CDCA2: variants seen among roughly 807,000 people sequenced by gnomAD.
CDCA2 encodes the protein cell division cycle associated 2, also known as cell division cycle-associated protein 2.
In CDCA2, 44 loss-of-function variants were observed where a neutral mutation model predicts 67.0. The ratio of observed to expected loss-of-function variants is 0.66; its 90% CI spans 0.52 to 0.84. The LOEUF (loss-of-function observed/expected upper bound fraction) is 0.84, where lower values mean the gene tolerates loss of function less well. Among genes scored for constraint, CDCA2 ranks in the 40% least tolerant of loss-of-function variants. The probability of loss-of-function intolerance (pLI) is 0.00; values close to 1 mark genes in which losing one functional copy is unlikely to be tolerated. For missense variants in CDCA2, 1,253 were observed against 1,203.2 expected (o/e 1.04, Z -0.61); for synonymous variants, 447 against 418.7 (o/e 1.07, Z -0.82).
At chr8:25,485,714 C>T (rs1178142419) in intron 10 of CDCA2, 45 bp from the exon 11 acceptor site, 1 of 1,115,410 alleles carries the variant, frequency 9.0e-7, no homozygotes, top group Non-Finnish European at 1.3e-6. Context: ...ATTATGTATT[C>T]ACTGCATTTA....
chr8:25,493,577 ATTAC>A (rs534732249), intron 13 of CDCA2, among the ~76,000 whole-genome samples: 1,672 of 152,378 alleles, frequency 0.011, 14 homozygotes, highest in Non-Finnish European at 0.017. Context: ...GAGCTTCTAA[ATTAC>A]TTAGAAAGGA....
chr8:25,505,123 T>C (rs1804626746), intron 14 of CDCA2, among the ~76,000 whole-genome samples: 2 of 152,212 alleles, frequency 1.3e-5, no homozygotes, highest in Admixed American at 6.5e-5. Flanking sequence ...CTTTCTCTTT[T>C]TCCTTTCCTC....
At position 25,470,000 on chromosome 8, in the gene CDCA2, T is replaced by C. The variant is rs770965988; in HGVS notation, c.820+20T>C. The C allele has an allele frequency of 6.7e-7, 1 of 1,499,970 alleles. No individual in the cohort carries two copies. Among genetic ancestry groups the C allele is most frequent in the Admixed American group, 1.7e-5 (1 of 58,710 alleles). The allele number at this position is 1,499,970 out of a possible 1,614,324, so 92.9% of individuals were successfully genotyped here. A position where few individuals can be genotyped will look rare whatever the true frequency, so the allele number is the denominator to read the frequency against. ...CAAATGGTAAGTAATCTTTTCTTAG[T>C]ACATGGCCAGTTGCCCGATTCATAG... is the stretch of plus-strand genomic sequence containing the variant. On this transcript the variant is annotated intron_variant, in intron 7 of 14. Transcript: ENST00000330560.
chr8:25,469,540 TA>T (rs1265757804), intron 6 of CDCA2, among the ~76,000 whole-genome samples: 1 of 152,228 alleles, frequency 6.6e-6, no homozygotes, highest in African/African-American at 2.4e-5. Context: ...ATATAAACTT[TA>T]TTTTGAGAAT....
chr8:25,459,585 G>A (rs1214433678), intron 1 of CDCA2, 112 bp downstream of exon 1: 1 of 154,044 alleles, frequency 6.5e-6, no homozygotes, highest in Non-Finnish European at 1.4e-5. Context: ...GCTGCTCTGG[G>A]TGACCAGGAG....
chr8:25,491,211 C>T (rs1450938367), intron 13 of CDCA2, among the ~76,000 whole-genome samples: 2 of 151,962 alleles, frequency 1.3e-5, no homozygotes, highest in African/African-American at 4.8e-5. Context: ...CCATAGGACT[C>T]TTAGGAAAAA....
chr8:25,482,072 C>G lies in CDCA2; in HGVS notation c.1033-1327C>G, dbSNP rs542699950. 1.3e-3 allele frequency among the ~76,000 whole-genome samples: 198 copies of G among 152,316 alleles called. 1 individual carries two copies. The highest frequency in any genetic ancestry group is 4.6e-3 in the African/African-American group (193 of 41,568). ...GATTAAGAGGGAACTTTGATCCAGTCTGCAGCCCTGGCTGTCTCCTGCTGA... is the reference window on the plus strand; with the variant it reads ...GATTAAGAGGGAACTTTGATCCAGTGTGCAGCCCTGGCTGTCTCCTGCTGA... On this transcript the variant is annotated intron_variant, in intron 8 of 14. Transcript: ENST00000330560.
intron 10 of CDCA2, 137 bp downstream of exon 10, chr8:25,484,347 G>A (rs59015195): frequency 0.032 from 38,985 of 1,231,994 alleles, 845 homozygotes; most frequent in Admixed American, 0.071. Context: ...AATCTATTTT[G>A]TATGTAGGTT....
intron 14 of CDCA2, among the ~76,000 whole-genome samples, chr8:25,504,590 A>G (rs896231470): frequency 2.0e-5 from 3 of 152,134 alleles, no homozygotes; most frequent in Admixed American, 6.5e-5. Flanking sequence ...GGTACATGCC[A>G]CCATTGACTC....
At chr8:25,483,898 G>A (rs964752446) in intron 9 of CDCA2, 68 bp from the exon 10 acceptor site, 2 of 1,313,616 alleles carry the variant, frequency 1.5e-6, no homozygotes, top group Non-Finnish European at 2.1e-6. Context: ...AAAGATTCTA[G>A]TATATGCCTT....
chr8:25,480,571 A>C (rs1343438409), intron 8 of CDCA2, among the ~76,000 whole-genome samples: 4 of 152,212 alleles, frequency 2.6e-5, no homozygotes, highest in Admixed American at 2.6e-4. Flanking sequence ...AGTCAATATG[A>C]GGAAAGAGAA....
chr8:25,465,533 C>G (rs1438793422), intron 4 of CDCA2, among the ~76,000 whole-genome samples: 1 of 148,826 alleles, frequency 6.7e-6, no homozygotes, highest in East Asian at 1.9e-4. Flanking sequence ...GGTTGGAACC[C>G]TGTTAACGGG....
intron 13 of CDCA2, among the ~76,000 whole-genome samples, chr8:25,497,038 G>A (rs562709204): frequency 5.9e-5 from 9 of 151,540 alleles, no homozygotes; most frequent in African/African-American, 1.9e-4. Context: ...AAATTTTGGG[G>A]AGCTGGTAAA....
chr8:25,472,084 C>G (rs562157218), intron 7 of CDCA2: 11 of 152,264 alleles, frequency 7.2e-5, no homozygotes, highest in African/African-American at 2.6e-4. Flanking sequence ...TCCTTTACCC[C>G]CTCTGCTTCC....
Position 25,507,212 on chromosome 8 carries a change from A to C in CDCA2, c.2546A>C (p.Asn849Thr). Reference protein sequence around the residue: ...GRSLHLEKNGNHTPSSSVGSS... With the variant: ...GRSLHLEKNGTHTPSSSVGSS... ...AGTTTACATTTGGAAAAAAATGGAAATCACACACCATCCTCCAGTGTGGGC... is the reference window on the plus strand; with the variant it reads ...AGTTTACATTTGGAAAAAAATGGAACTCACACACCATCCTCCAGTGTGGGC... The change falls in exon 15 of 15, where the codon AAT (asparagine) becomes ACT (threonine). Residue 849 changes from asparagine (N) to threonine (T), a missense_variant. Coordinates refer to ENST00000330560, the MANE Select transcript of CDCA2 (RefSeq NM_152562.4). 1 of 1,614,202 alleles carries C rather than the reference A, an allele frequency of 6.2e-7. No homozygotes were observed. Among genetic ancestry groups the C allele is most frequent in the Non-Finnish European group, 8.5e-7 (1 of 1,180,044 alleles).
chr8:25,480,476 G>T (rs1361899424), intron 8 of CDCA2, among the ~76,000 whole-genome samples: 1 of 152,028 alleles, frequency 6.6e-6, no homozygotes, highest in Non-Finnish European at 1.5e-5. Context: ...CATAATTAAT[G>T]TGTCAATCTG....
At position 25,469,942 on chromosome 8, in the gene CDCA2, A is replaced by G. The variant is rs1474309337; in HGVS notation, c.782A>G (p.Glu261Gly). 6.2e-7 allele frequency: 1 copy of G among 1,612,060 alleles called. No individual in the cohort carries two copies. The highest frequency in any genetic ancestry group is 1.7e-5 in the Admixed American group (1 of 59,960). ...ACACAGTCTGGATTTTTAGTTGAAG[A>G]GTCTCTTCCCCTTTCAGAGCTCACA... The part of the protein sequence containing the change: ...GSTQSGFLVE[E>G]SLPLSELTET... The change falls in exon 7 of 15, where the codon GAG (glutamate) becomes GGG (glycine). Residue 261 changes from glutamate to glycine, a missense_variant. Transcript: ENST00000330560.
chr8:25,506,574 G>A lies in CDCA2; in HGVS notation c.1908G>A (p.Lys636=), dbSNP rs746981633. ...VKTPKNPVKR[K]DLLRHDPDLH... is the part of the protein sequence containing the mutation. ...CTCCTAAAAATCCAGTGAAAAGAAA[G>A]GATCTTTTGCGTCATGACCCAGATT... The change falls in exon 15 of 15, where the codon AAG becomes AAA. Residue 636 remains lysine, a synonymous_variant. Coordinates refer to ENST00000330560, the MANE Select transcript of CDCA2 (RefSeq NM_152562.4). The A allele has an allele frequency of 2.5e-6, 4 of 1,602,238 alleles. No homozygotes were observed. The highest frequency in any genetic ancestry group is 3.4e-6 in the Non-Finnish European group (4 of 1,177,108).
At chr8:25,490,165 A>G (rs1050134866) in intron 13 of CDCA2, among the ~76,000 whole-genome samples, 1 of 152,172 alleles carries the variant, frequency 6.6e-6, no homozygotes, top group African/African-American at 2.4e-5. Flanking sequence ...TCAAAAATAT[A>G]CATACAACTT....
Sources: allele counts gnomAD v4.1 joint callset (sites outside exome capture counted in the v4.1 genomes callset), GRCh38; gene constraint gnomAD v4.1.1; transcripts MANE v1.5; gene names NCBI Gene and HGNC (gene_info 2026-07-23, HGNC 2026-07-21).